AGRN: variants seen among roughly 807,000 people sequenced by gnomAD.
AGRN encodes agrin proteoglycan.
A neutral mutation model predicts 211.0 loss-of-function variants in AGRN; 106 were observed. The ratio of observed to expected loss-of-function variants is 0.50; its 90% CI spans 0.43 to 0.59. AGRN has a LOEUF of 0.59. AGRN is among the 20% of genes least tolerant of loss of function. AGRN has a pLI of 0.00. For synonymous variants in AGRN, 1,525 were observed against 1,332.5 expected, an observed-to-expected ratio of 1.14 and a Z score of -3.15; for missense variants, 3,040 against 2,982.6, an observed-to-expected ratio of 1.02 and a Z score of -0.45.
rs1194561264 is a variant in AGRN at position 1,045,439 on chromosome 1, G to T, written c.2452G>T (p.Val818Leu). ...ATGQCSCRPG[V>L]GGLRCDRCEP... The stretch of plus-strand genomic sequence containing the variant: ...AGGCCAGTGCTCCTGCCGCCCAGGT[G>T]TGGGGGGCCTCAGGTGTGACCGCTG... Residue 818 changes from valine (V) to leucine (L), a missense_variant, in exon 14 of 36, where the codon GTG becomes TTG. This residue lies in a region of AGRN where 1,498 missense variants were observed against 1,457.8 expected (regional missense o/e 1.03). Coordinates refer to ENST00000379370, the MANE Select transcript of AGRN (RefSeq NM_198576.4). 4 of 1,612,452 alleles carry T rather than the reference G, an allele frequency of 2.5e-6. 1 individual carries two copies. In the South Asian group the frequency reaches 4.4e-5, roughly 18 times the overall value.
chr1:1,046,486 C>G lies in AGRN; in HGVS notation c.3001C>G (p.Pro1001Ala), dbSNP rs752212460. 2.6e-5 allele frequency: 42 copies of G among 1,610,654 alleles called. No homozygotes were observed. The highest frequency in any genetic ancestry group is 3.3e-4 in the Middle Eastern group (2 of 6,080). ...CCTGAGCCAGGCACTGCCGGCCCCC[C>G]CCGGCGCCCTCCCCCTGGCTCCCAG... ...LLLSQALPAPPGALPLAPSST... is the reference protein window; with the variant it reads ...LLLSQALPAPAGALPLAPSST... The change falls in exon 18 of 36, where the codon CCC becomes GCC. Residue 1001 changes from proline to alanine, a missense_variant. Around this residue, in one of 3 missense-constraint regions of AGRN, gnomAD observed 1,537 missense variants for 1,505.0 expected, o/e 1.02. Transcript: ENST00000379370.
At chr1:1,047,196 C>T (rs1315156170) in intron 19 of AGRN, 131 bp from the exon 20 acceptor site, 2 of 1,455,928 alleles carry the variant, frequency 1.4e-6, no homozygotes, top group Non-Finnish European at 1.8e-6. Context: ...GGGGTCCCCA[C>T]TAACCTCATG....
chr1:1,023,555 G>A (rs1193590590), intron 2 of AGRN, among the ~76,000 whole-genome samples: 1 of 152,140 alleles, frequency 6.6e-6, no homozygotes. Context: ...GGGCATCGTG[G>A]ACTCAGGATA....
chr1:1,020,497 G>C, intron 1 of AGRN, 124 bp downstream of exon 1: 1 of 972,200 alleles, frequency 1.0e-6, no homozygotes, highest in Admixed American at 4.2e-5. Context: ...CTTGGCGACC[G>C]CCAAGCCCCG....
In AGRN at chr1:1,042,290, G is replaced by A. The variant is rs375557011; in HGVS notation, c.1384+128G>A. ...CCTGGGAGTGGGCCGGTCCCTCTGG[G>A]AAGGCTCTGGGGAGGGTGGAGCCTG... On this transcript the variant is annotated intron_variant, in intron 7 of 35. Transcript: ENST00000379370. 22 of 1,222,242 alleles carry A rather than the reference G, an allele frequency of 1.8e-5. No individual in the cohort carries two copies. The South Asian group carries it at 2.7e-4, about 15-fold the overall frequency. The allele number at this position is 1,222,242 out of a possible 1,614,324, so 75.7% of individuals were successfully genotyped here.
chr1:1,054,299 G>A, intron 34 of AGRN, 149 bp from the exon 35 acceptor site: 1 of 763,588 alleles, frequency 1.3e-6, no homozygotes, highest in Non-Finnish European at 2.1e-6. Flanking sequence ...TGGGGTCAAG[G>A]CCACCTCATC....
At chr1:1,037,642 G>A (rs972284493) in intron 3 of AGRN, among the ~76,000 whole-genome samples, 29 of 152,236 alleles carry the variant, frequency 1.9e-4, no homozygotes, top group African/African-American at 4.8e-4. Flanking sequence ...TAAGACAGGC[G>A]TGGCAGGACC....
Position 1,035,311 on chromosome 1 carries a change from G to A in AGRN, c.498G>A (p.Pro166=), listed in dbSNP as rs775955535. ...KPGTHFTPVP[P]TPPDACRGML... The stretch of plus-strand genomic sequence containing the variant: ...GGACCCACTTCACTCCAGTGCCTCC[G>A]ACGCCTCCTGATGGTGAGTAGGGCT... Residue 166 remains proline (P), a synonymous_variant, in exon 3 of 36, where the codon CCG becomes CCA. Transcript: ENST00000379370. The A allele has an allele frequency of 1.2e-5, 20 of 1,612,992 alleles. No individual in the cohort carries two copies. The highest frequency in any genetic ancestry group is 2.2e-5 in the East Asian group (1 of 44,896).
In AGRN at chr1:1,055,276, C is replaced by T. The variant is rs148689211; in HGVS notation, c.*295C>T. On this transcript the variant is annotated 3_prime_UTR_variant, in exon 36 of 36. Transcript: ENST00000379370. ...CGGTGTCCCCGCCGGGAAGCAGCCC[C>T]GGCTCCTGAATCACCCTCGCTCCGT... The T allele has an allele frequency of 1.9e-5, 9 of 462,230 alleles. No individual in the cohort carries two copies. Among genetic ancestry groups the T allele is most frequent in the African/African-American group, 9.9e-5 (5 of 50,544 alleles). 28.6% of individuals were successfully genotyped at this position (462,230 alleles called of 1,614,324 possible). A position where few individuals can be genotyped will look rare whatever the true frequency, so the allele number is the denominator to read the frequency against.
chr1:1,050,521 G>C lies in AGRN; in HGVS notation c.5071G>C (p.Val1691Leu), dbSNP rs752964147. ...GAAGACGGACGGCAAGGGGGACTTC[G>C]TGTCGCTGGCACTGCGGGACCGCCG... ...GQKTDGKGDFVSLALRDRRLE... is the reference protein window; with the variant it reads ...GQKTDGKGDFLSLALRDRRLE... Residue 1691 changes from valine (V) to leucine (L), a missense_variant, in exon 29 of 36, where the codon GTG becomes CTG. By Grantham distance (32) the Val-to-Leu change is conservative. Coordinates refer to ENST00000379370, the MANE Select transcript of AGRN (RefSeq NM_198576.4). 1 of 1,612,874 alleles carries C rather than the reference G, an allele frequency of 6.2e-7. No homozygotes were observed. The highest frequency in any genetic ancestry group is 8.5e-7 in the Non-Finnish European group (1 of 1,179,882).
intron 2 of AGRN, among the ~76,000 whole-genome samples, chr1:1,030,377 ATG>A (rs201683978): frequency 0.025 from 288 of 11,696 alleles, 16 homozygotes; most frequent in Non-Finnish European, 0.053. Context: ...TGAGATCAGC[ATG>A]TGTGTGTGTG....
At position 1,043,373 on chromosome 1, in the gene AGRN, G is replaced by A. The variant is rs753019974; in HGVS notation, c.1519G>A (p.Val507Ile). 47 of 1,609,768 alleles carry A rather than the reference G, an allele frequency of 2.9e-5. No individual in the cohort carries two copies. In the South Asian group the frequency reaches 3.4e-4, roughly 12 times the overall value. The change falls in exon 8 of 36, where the codon GTC becomes ATC. Residue 507 changes from valine (V) to isoleucine (I), a missense_variant. Coordinates refer to ENST00000379370, the MANE Select transcript of AGRN (RefSeq NM_198576.4). The part of the protein sequence containing the change: ...LYDPVCGSDG[V>I]TYGSACELEA... ...CGATCCTGTGTGCGGCAGCGACGGC[G>A]TCACATACGGCAGCGCGTGCGAGCT...
intron 3 of AGRN, among the ~76,000 whole-genome samples, chr1:1,038,001 T>A (rs1197795561): frequency 6.6e-6 from 1 of 151,990 alleles, no homozygotes; most frequent in Non-Finnish European, 1.5e-5. Flanking sequence ...AAGCCCGCAG[T>A]GTGAGCGGAG....
chr1:1,053,173 C>G, intron 33 of AGRN: 1 of 305,538 alleles, frequency 3.3e-6, no homozygotes, highest in South Asian at 2.7e-5. Context: ...TGGCTGTGCT[C>G]CCCTGCTGTC....
At chr1:1,052,206 C>G in intron 33 of AGRN, 3 of 589,244 alleles carry the variant, frequency 5.1e-6, no homozygotes, top group Non-Finnish European at 8.1e-6. Flanking sequence ...GGGCACAGGC[C>G]GAGGGTCGCC....
At chr1:1,026,459 T>C (rs543656571) in intron 2 of AGRN, among the ~76,000 whole-genome samples, 60 of 152,234 alleles carry the variant, frequency 3.9e-4, no homozygotes, top group Admixed American at 3.6e-3. Flanking sequence ...CCAGAGGTCA[T>C]TCCAGCCAGG....
chr1:1,023,124 C>T (rs1644446589), intron 2 of AGRN, among the ~76,000 whole-genome samples: 1 of 152,152 alleles, frequency 6.6e-6, no homozygotes, highest in Non-Finnish European at 1.5e-5. Flanking sequence ...CCCCCACATC[C>T]TGTCTGCTCC....
At position 1,043,251 on chromosome 1, in the gene AGRN, C is replaced by T; in HGVS notation, c.1397C>T (p.Ser466Phe). 6.2e-7 allele frequency: 1 copy of T among 1,607,090 alleles called. No individual in the cohort carries two copies. The highest frequency in any genetic ancestry group is 1.7e-5 in the Admixed American group (1 of 58,814). The change falls in exon 8 of 36, where the codon TCC becomes TTC. Residue 466 changes from serine to phenylalanine, a missense_variant. Physicochemically the swap from Ser to Phe is radical, Grantham distance 155. Transcript: ENST00000379370. ...GTGTCCTTCCCAGACCAGGCCCCGT[C>T]CCCATGCCTCGGGGTGCAGTGTGCA... ...KHQGPCDQAP[S>F]PCLGVQCAFG...
At chr1:1,054,105 C>G in intron 34 of AGRN, 128 bp downstream of exon 34, 1 of 1,034,968 alleles carries the variant, frequency 9.7e-7, no homozygotes, top group Non-Finnish European at 1.4e-6. Flanking sequence ...GCCGAGGTCA[C>G]TGCCAGTGGG....
Sources: gnomAD v4.1 joint callset for allele counts (sites outside exome capture counted in the v4.1 genomes callset) on GRCh38, gnomAD v4.1.1 for gene constraint, gnomAD v4.1.1 regional missense constraint, MANE v1.5 for transcripts, NCBI Gene and HGNC (gene_info 2026-07-23, HGNC 2026-07-21) for gene names.